Variants in SMURF2 observed in about 807,000 individuals in gnomAD.
The protein encoded by SMURF2 is SMAD specific E3 ubiquitin protein ligase 2, also known as E3 ubiquitin-protein ligase SMURF2.
A neutral mutation model predicts 109.6 loss-of-function variants in SMURF2; 48 were observed. The observed-to-expected ratio is 0.44, with a 90% CI of 0.35 to 0.56. SMURF2 has a LOEUF of 0.56. SMURF2 is among the 20% of genes least tolerant of loss of function. SMURF2 has a pLI of 0.01. For synonymous variants in SMURF2, 288 were observed against 317.1 expected (o/e 0.91, Z 0.97); for missense variants, 575 against 909.0 (o/e 0.63, Z 4.72).
intron 15 of SMURF2, among the ~76,000 whole-genome samples, chr17:64,552,242 T>C (rs1969055729): frequency 6.6e-6 from 1 of 152,166 alleles, no homozygotes; most frequent in African/African-American, 2.4e-5. Flanking sequence ...CATTGTTCTC[T>C]AGAGGATATA....
At chr17:64,551,470 G>T in intron 16 of SMURF2, 114 bp downstream of exon 16, 1 of 1,181,288 alleles carries the variant, frequency 8.5e-7, no homozygotes, top group Non-Finnish European at 1.2e-6. Flanking sequence ...CTCAAGCATA[G>T]AACCATGAAA....
rs143102779 is a variant in SMURF2 at position 64,593,537 on chromosome 17, T to C, written c.237A>G (p.Val79=). Residue 79 remains valine, a synonymous_variant, in exon 4 of 19, where the codon GTA becomes GTG. Transcript: ENST00000262435. ...TCTTATGGATCTTCTTGTGATTCCA[T>C]ACACTGATCGTAACTGAATCAGACT... The part of the protein sequence containing the change: ...IGKSDSVTIS[V]WNHKKIHKKQ... The C allele has an allele frequency of 6.3e-7, 1 of 1,591,192 alleles. No individual in the cohort carries two copies. Among genetic ancestry groups the C allele is most frequent in the African/African-American group, 1.3e-5 (1 of 74,668 alleles).
chr17:64,566,561 G>GTTGTTTTT (rs1969305807), intron 10 of SMURF2, among the ~76,000 whole-genome samples: 1 of 43,784 alleles, frequency 2.3e-5, no homozygotes, highest in African/African-American at 7.5e-5. Context: ...AAGCTTTCTG[G>GTTGTTTTT]TTTTTTTTTT....
intron 9 of SMURF2, among the ~76,000 whole-genome samples, chr17:64,574,510 CT>C (rs1420305356): frequency 6.6e-6 from 1 of 152,148 alleles, no homozygotes; most frequent in East Asian, 1.9e-4. Context: ...AAGAGTCTGA[CT>C]TTGCAATTTT....
At chr17:64,587,159 A>G (rs1555687187) in intron 5 of SMURF2, among the ~76,000 whole-genome samples, 1 of 152,202 alleles carries the variant, frequency 6.6e-6, no homozygotes, top group Non-Finnish European at 1.5e-5. Flanking sequence ...CTGGCAACAG[A>G]GTGAGACTCC....
intron 12 of SMURF2, 103 bp from the exon 13 acceptor site, chr17:64,557,825 T>A: frequency 1.6e-6 from 1 of 623,926 alleles, no homozygotes; most frequent in Non-Finnish European, 2.7e-6. Flanking sequence ...TTTAAATTAA[T>A]AAAAGGCAAA....
chr17:64,635,211 C>T (rs1598307332), intron 1 of SMURF2, among the ~76,000 whole-genome samples: 1 of 152,002 alleles, frequency 6.6e-6, no homozygotes, highest in East Asian at 1.9e-4. Context: ...GCTGTAATCC[C>T]AGGTACTTGG....
chr17:64,605,310 C>T (rs144830625), intron 2 of SMURF2, among the ~76,000 whole-genome samples: 2,416 of 152,164 alleles, frequency 0.016, 27 homozygotes, highest in Non-Finnish European at 0.025. Context: ...AGAAAGATAA[C>T]CATAAACATT....
chr17:64,607,623 C>CAA (rs59894966), intron 1 of SMURF2, among the ~76,000 whole-genome samples: 93 of 99,872 alleles, frequency 9.3e-4, no homozygotes, highest in African/African-American at 2.7e-3. Flanking sequence ...AAGACTGTCT[C>CAA]AAAAAAAAAA....
At chr17:64,555,382 T>C (rs1348622000) in intron 14 of SMURF2, among the ~76,000 whole-genome samples, 1 of 152,238 alleles carries the variant, frequency 6.6e-6, no homozygotes, top group Non-Finnish European at 1.5e-5. Context: ...ATTGCCAGTG[T>C]ATCTTCACAA....
intron 5 of SMURF2, among the ~76,000 whole-genome samples, chr17:64,586,752 A>G (rs1321399403): frequency 6.9e-6 from 1 of 144,208 alleles, no homozygotes; most frequent in Admixed American, 6.8e-5. Flanking sequence ...CTCCGTCTCA[A>G]AAAAAAAAAA....
At position 64,545,727 on chromosome 17, in the gene SMURF2, AAAAAAAGGG is replaced by A; in HGVS notation, c.*112_*120del. On this transcript the variant is annotated 3_prime_UTR_variant, in exon 19 of 19. Coordinates refer to ENST00000262435, the MANE Select transcript of SMURF2 (RefSeq NM_022739.4). ...AGTGTCCTAAAATGTAAAAAAAAAA[AAAAAAAGGG>A]GGGGGGGGGGAGTGTTTTCCTGTAT... 4.2e-6 allele frequency: 1 copy of A among 235,712 alleles called. No individual in the cohort carries two copies. The highest frequency in any genetic ancestry group is 8.5e-4 in the Middle Eastern group (1 of 1,178). 14.6% of individuals were successfully genotyped at this position (235,712 alleles called of 1,614,324 possible).
At chr17:64,566,561 G>GTTTGGT (rs1969305868) in intron 10 of SMURF2, among the ~76,000 whole-genome samples, 4 of 43,804 alleles carry the variant, frequency 9.1e-5, no homozygotes, top group African/African-American at 1.5e-4. Context: ...AAGCTTTCTG[G>GTTTGGT]TTTTTTTTTT....
Position 64,593,476 on chromosome 17 carries a change from G to A in SMURF2, c.298C>T (p.Leu100Phe), listed in dbSNP as rs139154655. The A allele has an allele frequency of 1.2e-6, 2 of 1,610,210 alleles. No homozygotes were observed. The highest frequency in any genetic ancestry group is 8.5e-7 in the Non-Finnish European group (1 of 1,178,672). ...TTGAGGCGGTTGATGGCATTGGAAA[G>A]AAGACGAACACAACCGAGAAATCCA... The part of the protein sequence containing the change: ...GAGFLGCVRL[L>F]SNAINRLKDT... The change falls in exon 4 of 19, where the codon CTT becomes TTT. Residue 100 changes from leucine (L) to phenylalanine (F), a missense_variant. By Grantham distance (22) the Leu-to-Phe change is conservative. This residue lies in a region of SMURF2 where 151 missense variants were observed against 178.4 expected (regional missense o/e 0.85). Transcript: ENST00000262435.
chr17:64,611,752 A>G (rs1409006325), intron 1 of SMURF2, among the ~76,000 whole-genome samples: 1 of 152,118 alleles, frequency 6.6e-6, no homozygotes, highest in African/African-American at 2.4e-5. Flanking sequence ...CTAAAAATCT[A>G]ATTAAGTCTT....
In SMURF2 at chr17:64,662,269, T is replaced by A. The variant is rs531367206; in HGVS notation, c.-389A>T. On this transcript the variant is annotated 5_prime_UTR_variant, in exon 1 of 19. Coordinates refer to ENST00000262435, the MANE Select transcript of SMURF2 (RefSeq NM_022739.4). Reference sequence around the variant, plus strand: ...GCTCGGGGGCGCCGGAGCAGAACTCTGGGCTCGGCCGCTTCCTCCTCCACC... The same window carrying A: ...GCTCGGGGGCGCCGGAGCAGAACTCAGGGCTCGGCCGCTTCCTCCTCCACC... 1.0e-6 allele frequency: 1 copy of A among 982,720 alleles called. No homozygotes were observed. Among genetic ancestry groups the A allele is most frequent in the Non-Finnish European group, 1.2e-6 (1 of 829,012 alleles). The allele number at this position is 982,720 out of a possible 1,614,324, so 60.9% of individuals were successfully genotyped here.
At chr17:64,588,408 T>G (rs1222001397) in intron 5 of SMURF2, among the ~76,000 whole-genome samples, 3 of 152,040 alleles carry the variant, frequency 2.0e-5, no homozygotes, top group Admixed American at 6.6e-5. Context: ...GCAAAAAAAT[T>G]TTTTAATTAT....
intron 1 of SMURF2, among the ~76,000 whole-genome samples, chr17:64,653,393 G>A (rs1970663701): frequency 6.6e-6 from 1 of 151,998 alleles, no homozygotes. Context: ...AGTATCAAGT[G>A]CTGACTAGGA....
chr17:64,582,902 A>T (rs1258156648), intron 7 of SMURF2, among the ~76,000 whole-genome samples: 1 of 142,088 alleles, frequency 7.0e-6, no homozygotes, highest in Non-Finnish European at 1.5e-5. Context: ...CTTGGCCAAT[A>T]TTTTTTTTTT....
Sources: gnomAD v4.1 joint callset for allele counts (sites outside exome capture counted in the v4.1 genomes callset) on GRCh38, gnomAD v4.1.1 for gene constraint, gnomAD v4.1.1 regional missense constraint, MANE v1.5 for transcripts, NCBI Gene and HGNC (gene_info 2026-07-23, HGNC 2026-07-21) for gene names.